The following TECPR2 variants were observed in gnomAD, a reference collection of about 807,000 sequenced individuals.
The protein encoded by TECPR2 is tectonin beta-propeller repeat containing 2, also known as tectonin beta-propeller repeat-containing protein 2.
TECPR2 carries 65 observed loss-of-function variants against 138.1 expected under a neutral mutation model. The ratio of observed to expected loss-of-function variants is 0.47; its 90% CI spans 0.39 to 0.58. The LOEUF (loss-of-function observed/expected upper bound fraction) is 0.58. Among genes scored for constraint, TECPR2 ranks in the 20% least tolerant of loss-of-function variants. The pLI is 0.00. For synonymous variants in TECPR2, 746 were observed against 749.8 expected, an observed-to-expected ratio of 0.99 and a Z score of 0.08; for missense variants, 1,553 against 1,824.5, an observed-to-expected ratio of 0.85 and a Z score of 2.71.
intron 2 of TECPR2, among the ~76,000 whole-genome samples, chr14:102,378,679 C>T (rs1887706372): frequency 6.6e-6 from 1 of 152,242 alleles, no homozygotes; most frequent in African/African-American, 2.4e-5. Flanking sequence ...GGCTGGAGTG[C>T]AATGACATGA....
At chr14:102,439,423 ACT>A (rs987186472) in intron 10 of TECPR2, among the ~76,000 whole-genome samples, 8 of 151,496 alleles carry the variant, frequency 5.3e-5, no homozygotes, top group Admixed American at 3.3e-4. Context: ...GCTTGCTTTC[ACT>A]GTTTGTTTGA....
In TECPR2 at chr14:102,498,218, C is replaced by T; in HGVS notation, c.4197C>T (p.Pro1399=). The part of the protein sequence containing the change: ...GTQKSSQAAM[P]HPEDLEDEWE... ...AGAAGAGCAGCCAGGCCGCCATGCC[C>T]CACCCTGAGGACCTGGAGGACGAGT... Residue 1399 remains proline (P), a synonymous_variant, in exon 20 of 20, where the codon CCC becomes CCT. Coordinates refer to ENST00000359520, the MANE Select transcript of TECPR2 (RefSeq NM_014844.5). 6.2e-7 allele frequency: 1 copy of T among 1,606,910 alleles called. No individual in the cohort carries two copies. The highest frequency in any genetic ancestry group is 8.5e-7 in the Non-Finnish European group (1 of 1,179,962).
At chr14:102,494,169 G>A (rs752963185) in intron 17 of TECPR2, among the ~76,000 whole-genome samples, 3 of 152,186 alleles carry the variant, frequency 2.0e-5, no homozygotes, top group Non-Finnish European at 4.4e-5. Flanking sequence ...TGTGGAGTGA[G>A]CGACCAAAGG....
At chr14:102,409,593 C>T (rs1888766167) in intron 4 of TECPR2, among the ~76,000 whole-genome samples, 1 of 152,102 alleles carries the variant, frequency 6.6e-6, no homozygotes, top group African/African-American at 2.4e-5. Flanking sequence ...GCCACCACGC[C>T]CAGCCAAGAA....
chr14:102,450,721 G>T, intron 15 of TECPR2, 72 bp downstream of exon 15: 1 of 1,464,930 alleles, frequency 6.8e-7, no homozygotes, highest in Admixed American at 1.8e-5. Context: ...AACCACAGTC[G>T]GACTGTGGCC....
At chr14:102,373,551 A>C (rs1038256850) in intron 1 of TECPR2, among the ~76,000 whole-genome samples, 4 of 152,152 alleles carry the variant, frequency 2.6e-5, no homozygotes, top group African/African-American at 7.2e-5. Context: ...ATGTATTGTG[A>C]CTTATCTTTT....
At chr14:102,408,645 T>C (rs773746334) in intron 4 of TECPR2, 26 bp downstream of exon 4, 2 of 1,591,594 alleles carry the variant, frequency 1.3e-6, no homozygotes, top group South Asian at 2.3e-5. Context: ...GAAATACTGT[T>C]GGCTCTTACC....
intron 17 of TECPR2, among the ~76,000 whole-genome samples, chr14:102,485,954 A>G (rs1312468616): frequency 1.3e-5 from 2 of 152,226 alleles, no homozygotes; most frequent in Non-Finnish European, 2.9e-5. Context: ...ATCAGTGACA[A>G]GGTCTGGAGG....
chr14:102,391,890 A>C (rs1888186319), intron 2 of TECPR2, among the ~76,000 whole-genome samples: 1 of 152,170 alleles, frequency 6.6e-6, no homozygotes, highest in South Asian at 2.1e-4. Context: ...TCTTTGGTGA[A>C]TTTTGGAAAA....
rs1480245031 is a variant in TECPR2, at chr14:102,500,807, G to A, written c.*2550G>A. 1 of 152,266 alleles carries A rather than the reference G, an allele frequency of 6.6e-6. No homozygotes were observed. The highest frequency in any genetic ancestry group is 1.9e-4 in the East Asian group (1 of 5,196). 9.4% of individuals were successfully genotyped at this position (152,266 alleles called of 1,614,324 possible). ...GGGATTGTTTTGTTGGGGCAGGCAGGGAGGAATAATGTTAGTACCCACAAA... is the reference window on the plus strand; with the variant it reads ...GGGATTGTTTTGTTGGGGCAGGCAGAGAGGAATAATGTTAGTACCCACAAA... On this transcript the variant is annotated 3_prime_UTR_variant, in exon 20 of 20. Transcript: ENST00000359520.
chr14:102,447,177 CAG>C (rs1229452911), intron 13 of TECPR2, among the ~76,000 whole-genome samples: 2 of 152,092 alleles, frequency 1.3e-5, no homozygotes, highest in African/African-American at 4.8e-5. Flanking sequence ...TTTTCTGGGG[CAG>C]AGTCTCACTC....
At chr14:102,397,791 A>T (rs982022836) in intron 2 of TECPR2, among the ~76,000 whole-genome samples, 2 of 151,806 alleles carry the variant, frequency 1.3e-5, no homozygotes, top group Non-Finnish European at 2.9e-5. Context: ...AAAACAGCGT[A>T]TGAAGGCTGG....
intron 17 of TECPR2, among the ~76,000 whole-genome samples, chr14:102,472,590 T>C (rs1463903734): frequency 1.3e-5 from 2 of 152,242 alleles, no homozygotes; most frequent in Non-Finnish European, 2.9e-5. Context: ...CAGTTTGCCA[T>C]GGATTCTGTA....
chr14:102,446,058 C>A, intron 13 of TECPR2, 111 bp downstream of exon 13: 1 of 1,257,712 alleles, frequency 8.0e-7, no homozygotes, highest in Admixed American at 2.8e-5. Context: ...AAAATACTCA[C>A]TTTTTTATTA....
At chr14:102,471,541 CA>C (rs879723281) in intron 17 of TECPR2, among the ~76,000 whole-genome samples, 163 of 138,334 alleles carry the variant, frequency 1.2e-3, no homozygotes, top group Middle Eastern at 3.7e-3. Context: ...TCATCTCTAC[CA>C]AAAAAAAAAA....
At chr14:102,485,969 A>G (rs1891018648) in intron 17 of TECPR2, among the ~76,000 whole-genome samples, 1 of 152,214 alleles carries the variant, frequency 6.6e-6, no homozygotes, top group African/African-American at 2.4e-5. Context: ...TGGAGGGTAG[A>G]CAGGAAGAGT....
intron 2 of TECPR2, among the ~76,000 whole-genome samples, chr14:102,389,928 G>C (rs1287775602): frequency 1.3e-5 from 2 of 152,300 alleles, no homozygotes; most frequent in Admixed American, 1.3e-4. Flanking sequence ...TTAAAAAGTT[G>C]TGTTAGTATT....
intron 17 of TECPR2, among the ~76,000 whole-genome samples, chr14:102,471,780 AT>A (rs1172867723): frequency 2.6e-5 from 4 of 152,162 alleles, no homozygotes; most frequent in African/African-American, 9.6e-5. Context: ...AGGTTTGTCA[AT>A]TTTGTTGCTC....
chr14:102,466,587 G>T (rs1258358188), intron 17 of TECPR2, among the ~76,000 whole-genome samples: 1 of 152,160 alleles, frequency 6.6e-6, no homozygotes, highest in Admixed American at 6.5e-5. Flanking sequence ...CCCGCACCCA[G>T]GTGGACTCCT....
Sources: allele counts gnomAD v4.1 joint callset (sites outside exome capture counted in the v4.1 genomes callset), GRCh38; gene constraint gnomAD v4.1.1; transcripts MANE v1.5; gene names NCBI Gene and HGNC (gene_info 2026-07-23, HGNC 2026-07-21).